The following MAGI2 variants were observed in gnomAD, a reference collection of about 807,000 sequenced individuals.
The protein encoded by MAGI2 is membrane associated guanylate kinase, WW and PDZ domain containing 2.
A neutral mutation model predicts 133.3 loss-of-function variants in MAGI2; 35 were observed. The ratio of observed to expected loss-of-function variants is 0.26; its 90% CI spans 0.20 to 0.35. The LOEUF is 0.35. Ranked by LOEUF, MAGI2 falls within the 10% of genes least tolerant of loss-of-function variation. The probability of loss-of-function intolerance (pLI) is 1.00; values close to 1 mark genes in which losing one functional copy is unlikely to be tolerated. For missense variants in MAGI2, 1,636 were observed against 1,863.4 expected (o/e 0.88, Z 2.25); for synonymous variants, 729 against 710.6 (o/e 1.03, Z -0.41).
At chr7:79,171,770 ATTTTT>A (rs144599296) in intron 1 of MAGI2, among the ~76,000 whole-genome samples, 1,304 of 31,212 alleles carry the variant, frequency 0.042, 78 homozygotes, top group Admixed American at 0.078. Context: ...ATATATATAT[ATTTTT>A]TTTTTTTTTT....
At chr7:78,608,113 A>T (rs1336485428) in intron 3 of MAGI2, among the ~76,000 whole-genome samples, 3 of 152,152 alleles carry the variant, frequency 2.0e-5, no homozygotes, top group Non-Finnish European at 4.4e-5. Context: ...TTGATTTCTT[A>T]GGCTCAATGT....
chr7:78,249,634 A>T lies in MAGI2; in HGVS notation c.2047+6309T>A, dbSNP rs186231611. Among the ~76,000 whole-genome samples the T allele has an allele frequency of 1.6e-4, 24 of 152,266 alleles. 1 individual carries two copies. Among genetic ancestry groups the T allele is most frequent in the African/African-American group, 4.8e-4 (20 of 41,590 alleles). ...AGACAAATACTGCACGATCTCACTT[A>T]TATGCAGAATATAAAAGAGTTCATC... On this transcript the variant is annotated intron_variant, in intron 10 of 21. Transcript: ENST00000354212.
At chr7:79,182,211 G>A (rs558434759) in intron 1 of MAGI2, among the ~76,000 whole-genome samples, 1 of 152,050 alleles carries the variant, frequency 6.6e-6, no homozygotes, top group East Asian at 1.9e-4. Context: ...CCATTGTCAT[G>A]CTGCTGATAA....
At chr7:78,020,270 G>C (rs1392684305) in intron 21 of MAGI2, among the ~76,000 whole-genome samples, 2 of 152,192 alleles carry the variant, frequency 1.3e-5, no homozygotes, top group African/African-American at 4.8e-5. Context: ...CTAACTTCCG[G>C]GGGTGTTCTC....
chr7:78,318,068 C>T (rs1476419782), intron 9 of MAGI2, among the ~76,000 whole-genome samples: 1 of 152,152 alleles, frequency 6.6e-6, no homozygotes, highest in African/African-American at 2.4e-5. Flanking sequence ...CTCTTCTCCT[C>T]CAAAGGATCA....
chr7:78,765,343 C>CTTT (rs10672746), intron 2 of MAGI2, among the ~76,000 whole-genome samples: 59,504 of 88,922 alleles, frequency 0.67, 21,658 homozygotes, highest in Non-Finnish European at 0.73. Flanking sequence ...TAGTGCACAT[C>CTTT]TTTTTTTTTT....
chr7:78,033,864 C>T (rs552348374), intron 21 of MAGI2, among the ~76,000 whole-genome samples: 1 of 152,204 alleles, frequency 6.6e-6, no homozygotes, highest in East Asian at 1.9e-4. Flanking sequence ...GTGGAGAACC[C>T]TGTGTGCCAA....
chr7:78,309,656 C>A (rs1176858945), intron 9 of MAGI2, among the ~76,000 whole-genome samples: 2 of 151,958 alleles, frequency 1.3e-5, no homozygotes, highest in Non-Finnish European at 2.9e-5. Context: ...ATATGTGTAT[C>A]CCCTGAAACT....
intron 2 of MAGI2, among the ~76,000 whole-genome samples, chr7:78,642,616 C>T (rs959811011): frequency 3.9e-5 from 6 of 151,968 alleles, no homozygotes; most frequent in Non-Finnish European, 4.4e-5. Context: ...ACATGGCTGA[C>T]GAATATGTCA....
intron 2 of MAGI2, among the ~76,000 whole-genome samples, chr7:78,748,573 T>C (rs752106774): frequency 6.6e-6 from 1 of 152,228 alleles, no homozygotes; most frequent in Non-Finnish European, 1.5e-5. Context: ...GTTATTTGTG[T>C]CTTTAATTAT....
rs189751063 is a variant in MAGI2, at chr7:78,826,124, G to A, written c.418+180966C>T. Among the ~76,000 whole-genome samples, 325 of 151,946 alleles carry A rather than the reference G, an allele frequency of 2.1e-3. 1 individual carries two copies. The highest frequency in any genetic ancestry group is 7.1e-3 in the African/African-American group (296 of 41,430). On this transcript the variant is annotated intron_variant, in intron 2 of 21. Transcript: ENST00000354212. The stretch of plus-strand genomic sequence containing the variant: ...TCCCAGCACTTTGGGAGGCCGAGGC[G>A]GGCAGATCACGAGGTCAGGAGGTCG...
intron 14 of MAGI2, among the ~76,000 whole-genome samples, chr7:78,177,652 A>G (rs1175036411): frequency 6.6e-6 from 1 of 152,188 alleles, no homozygotes; most frequent in Non-Finnish European, 1.5e-5. Flanking sequence ...GGTTAAAAAC[A>G]TACATAATTC....
chr7:78,356,815 G>C (rs1176337062), intron 7 of MAGI2, among the ~76,000 whole-genome samples: 2 of 152,070 alleles, frequency 1.3e-5, no homozygotes, highest in South Asian at 4.2e-4. Context: ...TTGACTCTTG[G>C]TATCCTCAAT....
At chr7:78,920,273 C>T (rs897090159) in intron 2 of MAGI2, among the ~76,000 whole-genome samples, 3 of 151,972 alleles carry the variant, frequency 2.0e-5, no homozygotes, top group Admixed American at 2.0e-4. Flanking sequence ...CTCTGTACAC[C>T]AGCTGTAAAA....
intron 1 of MAGI2, among the ~76,000 whole-genome samples, chr7:79,265,849 C>T (rs924655841): frequency 8.5e-5 from 13 of 152,096 alleles, no homozygotes; most frequent in Non-Finnish European, 1.8e-4. Context: ...TATCTGTTCA[C>T]AGCTATGTTT....
intron 11 of MAGI2, among the ~76,000 whole-genome samples, chr7:78,199,470 GA>G (rs1829035215): frequency 6.6e-6 from 1 of 152,200 alleles, no homozygotes; most frequent in Admixed American, 6.5e-5. Context: ...AACCATGTGA[GA>G]GGGGTGTTAC....
intron 7 of MAGI2, chr7:78,347,121 C>T (rs1790999682): frequency 6.6e-6 from 1 of 152,238 alleles, no homozygotes; most frequent in Admixed American, 6.5e-5. Context: ...TATTTCTAAA[C>T]TGAATCTCTG....
rs115164855 is a variant in MAGI2 at position 79,200,366 on chromosome 7, G to A, written c.302-193160C>T. Among the ~76,000 whole-genome samples the A allele has an allele frequency of 8.4e-3, 1,282 of 151,814 alleles. 24 individuals are homozygous for A. The highest frequency in any genetic ancestry group is 0.029 in the African/African-American group (1,208 of 41,246). ...ATCTGTAACCCCAGCACTTAGGGAG[G>A]CTGAGGCAGGAGGATCACTTATGCT... On this transcript the variant is annotated intron_variant, in intron 1 of 21. Transcript: ENST00000354212.
chr7:78,061,230 G>A (rs1813220502), intron 21 of MAGI2, among the ~76,000 whole-genome samples: 2 of 151,090 alleles, frequency 1.3e-5, no homozygotes, highest in South Asian at 4.2e-4. Flanking sequence ...AATCCTTTAG[G>A]ACAACTGTGG....
Sources: gnomAD v4.1 joint callset for allele counts (sites outside exome capture counted in the v4.1 genomes callset) on GRCh38, gnomAD v4.1.1 for gene constraint, MANE v1.5 for transcripts, NCBI Gene and HGNC (gene_info 2026-07-23, HGNC 2026-07-21) for gene names.